The following NRXN1 variants were observed in gnomAD, a reference collection of about 807,000 sequenced individuals.
NRXN1 encodes neurexin-1.
In NRXN1, 39 loss-of-function variants were observed where a neutral mutation model predicts 150.9. The ratio of observed to expected loss-of-function variants is 0.26; its 90% CI spans 0.20 to 0.34. The LOEUF is 0.34. Ranked by LOEUF, NRXN1 falls within the 10% of genes least tolerant of loss-of-function variation. NRXN1 has a pLI of 1.00. For missense variants in NRXN1, 1,815 were observed against 1,949.9 expected, an observed-to-expected ratio of 0.93 and a Z score of 1.30; for synonymous variants, 924 against 757.0, an observed-to-expected ratio of 1.22 and a Z score of -3.62.
intron 18 of NRXN1, among the ~76,000 whole-genome samples, chr2:50,094,861 C>T (rs1221684492): frequency 2.0e-5 from 3 of 151,554 alleles, no homozygotes; most frequent in Non-Finnish European, 4.4e-5. Flanking sequence ...GCATTTACTA[C>T]CTCAATGGAA....
intron 5 of NRXN1, among the ~76,000 whole-genome samples, chr2:50,920,501 C>A (rs898743329): frequency 6.6e-6 from 1 of 151,658 alleles, no homozygotes. Flanking sequence ...TGCATCCATA[C>A]AAATACACAT....
intron 5 of NRXN1, among the ~76,000 whole-genome samples, chr2:50,873,165 A>G (rs1159919753): frequency 6.6e-6 from 1 of 151,914 alleles, no homozygotes. Flanking sequence ...ATAATGAAGT[A>G]ACCATAATAT....
chr2:50,295,638 C>T (rs1390016924), intron 17 of NRXN1, among the ~76,000 whole-genome samples: 2 of 152,040 alleles, frequency 1.3e-5, no homozygotes, highest in Non-Finnish European at 2.9e-5. Flanking sequence ...TTATTTTATC[C>T]TGTCATTGCT....
chr2:50,893,438 A>G (rs1681398562), intron 5 of NRXN1, among the ~76,000 whole-genome samples: 2 of 152,166 alleles, frequency 1.3e-5, no homozygotes, highest in African/African-American at 4.8e-5. Context: ...TATATAAGGC[A>G]GCCTCAATAA....
chr2:50,854,926 CA>C (rs1209459915), intron 5 of NRXN1, among the ~76,000 whole-genome samples: 1 of 151,976 alleles, frequency 6.6e-6, no homozygotes, highest in Non-Finnish European at 1.5e-5. Context: ...ATTTGAGCAA[CA>C]GAAACGGATT....
chr2:50,703,766 A>T (rs1190131863), intron 5 of NRXN1, among the ~76,000 whole-genome samples: 3 of 152,168 alleles, frequency 2.0e-5, no homozygotes, highest in Admixed American at 2.0e-4. Context: ...TTTAACATGG[A>T]TTATAGATTA....
intron 18 of NRXN1, among the ~76,000 whole-genome samples, chr2:50,210,194 G>C (rs17040218): frequency 0.016 from 2,415 of 151,876 alleles, 65 homozygotes; most frequent in African/African-American, 0.055. Flanking sequence ...TTTTCTCCTT[G>C]TATCCAATCT....
rs371006178 is a variant in NRXN1, at chr2:50,947,071, A to C, written c.773-21116T>G. 3.7e-4 allele frequency among the ~76,000 whole-genome samples: 57 copies of C among 152,242 alleles called. No individual in the cohort carries two copies. In the South Asian group the frequency reaches 7.5e-3, roughly 20 times the overall value. On this transcript the variant is annotated intron_variant, in intron 2 of 22. Coordinates refer to ENST00000401669, the MANE Select transcript of NRXN1 (RefSeq NM_001330078.2). Reference sequence around the variant, plus strand: ...GAATAGCTAAGTAATGATTTCTCTTAATTCCAAATGTTTCTTTCATTTGCA... The same window carrying C: ...GAATAGCTAAGTAATGATTTCTCTTCATTCCAAATGTTTCTTTCATTTGCA...
At chr2:50,440,592 T>C (rs1354363841) in intron 17 of NRXN1, among the ~76,000 whole-genome samples, 2 of 152,112 alleles carry the variant, frequency 1.3e-5, no homozygotes, top group African/African-American at 4.8e-5. Flanking sequence ...TATAATTTTA[T>C]ATAAGGTGGC....
At chr2:50,745,306 C>CCA (rs1554039546) in intron 5 of NRXN1, among the ~76,000 whole-genome samples, 2 of 147,422 alleles carry the variant, frequency 1.4e-5, no homozygotes, top group African/African-American at 5.0e-5. Flanking sequence ...TCTGCCCCCC[C>CCA]CCAGGACTGA....
intron 21 of NRXN1, among the ~76,000 whole-genome samples, chr2:49,984,183 A>G (rs769992206): frequency 3.9e-5 from 6 of 152,142 alleles, no homozygotes; most frequent in African/African-American, 7.2e-5. Flanking sequence ...TTAAGAAAAA[A>G]AAATCAGAAA....
intron 12 of NRXN1, among the ~76,000 whole-genome samples, chr2:50,508,677 G>T (rs1048222258): frequency 6.6e-6 from 1 of 151,768 alleles, no homozygotes; most frequent in Non-Finnish European, 1.5e-5. Flanking sequence ...TGATATCATC[G>T]TTATACCCCA....
chr2:50,912,165 A>C (rs545349902), intron 5 of NRXN1: 3 of 151,922 alleles, frequency 2.0e-5, no homozygotes, highest in Non-Finnish European at 2.9e-5. Flanking sequence ...CAATGAGTTG[A>C]TAGCACTAGT....
chr2:50,061,046 C>T (rs1694451222), intron 19 of NRXN1, among the ~76,000 whole-genome samples: 1 of 152,078 alleles, frequency 6.6e-6, no homozygotes, highest in Non-Finnish European at 1.5e-5. Flanking sequence ...GCGACTAGGC[C>T]TATATTTTTC....
At chr2:50,631,231 A>T (rs1682264376) in intron 5 of NRXN1, 1 of 387,208 alleles carries the variant, frequency 2.6e-6, no homozygotes, top group Non-Finnish European at 5.0e-6. Flanking sequence ...GCAGCGAGTA[A>T]TCAAGATTTA....
chr2:49,922,348 C>T (rs1050579141), intron 22 of NRXN1, 97 bp from the exon 23 acceptor site: 7 of 1,239,338 alleles, frequency 5.6e-6, no homozygotes, highest in African/African-American at 4.5e-5. Context: ...TCTAACAGCA[C>T]CTATGCTTTA....
chr2:51,028,397 G>A lies in NRXN1; in HGVS notation c.-124C>T. ...GGTAAGGGGAAAGGCGGGAGTGAGAGGGATGTGCCCTCCTTTATCTAGTTC... is the reference window on the plus strand; with the variant it reads ...GGTAAGGGGAAAGGCGGGAGTGAGAAGGATGTGCCCTCCTTTATCTAGTTC... On this transcript the variant is annotated 5_prime_UTR_variant, in exon 2 of 23. Coordinates refer to ENST00000401669, the MANE Select transcript of NRXN1 (RefSeq NM_001330078.2). 2 of 580,198 alleles carry A rather than the reference G, an allele frequency of 3.4e-6. No individual in the cohort carries two copies. The highest frequency in any genetic ancestry group is 6.1e-5 in the East Asian group (2 of 32,800). The allele number at this position is 580,198 out of a possible 1,614,324, so 35.9% of individuals were successfully genotyped here. A position where few individuals can be genotyped will look rare whatever the true frequency, so the allele number is the denominator to read the frequency against.
chr2:50,734,593 C>T (rs535972761), intron 5 of NRXN1, among the ~76,000 whole-genome samples: 2 of 152,132 alleles, frequency 1.3e-5, no homozygotes, highest in East Asian at 1.9e-4. Flanking sequence ...GCTCAAAGGT[C>T]CACTGCCTGC....
chr2:50,645,266 A>T (rs912226665), intron 5 of NRXN1, among the ~76,000 whole-genome samples: 5 of 151,926 alleles, frequency 3.3e-5, no homozygotes, highest in African/African-American at 9.7e-5. Flanking sequence ...TTCAAAATAG[A>T]TATCCAAAGA....
Sources: gnomAD v4.1 joint callset for allele counts (sites outside exome capture counted in the v4.1 genomes callset) on GRCh38, gnomAD v4.1.1 for gene constraint, MANE v1.5 for transcripts, NCBI Gene and HGNC (gene_info 2026-07-23, HGNC 2026-07-21) for gene names.